The following SLMAP variants were observed in gnomAD, a reference collection of about 807,000 sequenced individuals.
The protein encoded by SLMAP is sarcolemma associated protein.
A neutral mutation model predicts 128.8 loss-of-function variants in SLMAP; 44 were observed. The ratio of observed to expected loss-of-function variants is 0.34; its 90% confidence interval spans 0.27 to 0.44. The LOEUF (loss-of-function observed/expected upper bound fraction) is 0.44, where lower values mean the gene tolerates loss of function less well. Among genes scored for constraint, SLMAP ranks in the 20% least tolerant of loss-of-function variants. The pLI, the probability that SLMAP is intolerant of heterozygous loss-of-function variation, is 1.00. For missense variants in SLMAP, 787 were observed against 985.3 expected, an observed-to-expected ratio of 0.80 and a Z score of 2.69; for synonymous variants, 327 against 348.8, an observed-to-expected ratio of 0.94 and a Z score of 0.70.
intron 2 of SLMAP, among the ~76,000 whole-genome samples, chr3:57,790,942 A>G (rs867130393): frequency 6.6e-6 from 1 of 152,226 alleles, no homozygotes; most frequent in Non-Finnish European, 1.5e-5. Context: ...ACTGAAATAT[A>G]TATGTATTAG....
Position 57,857,727 on chromosome 3 carries a change from T to C in SLMAP, c.520-6T>C. On this transcript the variant is annotated splice_polypyrimidine_tract_variant and splice_region_variant and intron_variant, in intron 6 of 24. Coordinates refer to ENST00000671191, the MANE Select transcript of SLMAP (RefSeq NM_001377540.1). ...TTAGAATCTGTTTTGTGATTTGTAA[T>C]ACTAGGAGGCCTTACATCGGGAACA... 1 of 1,590,054 alleles carries C rather than the reference T, an allele frequency of 6.3e-7. No individual in the cohort carries two copies. Among genetic ancestry groups the C allele is most frequent in the African/African-American group, 1.3e-5 (1 of 74,576 alleles).
chr3:57,925,833 T>C lies in SLMAP; in HGVS notation c.2446-12T>C. 6.5e-7 allele frequency: 1 copy of C among 1,539,550 alleles called. No homozygotes were observed. Among genetic ancestry groups the C allele is most frequent in the Non-Finnish European group, 8.8e-7 (1 of 1,136,536 alleles). ...AGCATAAAATGATTTTAATATGCCTTCCCTTCTTTAGCCTTCCATATTACA... is the reference window on the plus strand; with the variant it reads ...AGCATAAAATGATTTTAATATGCCTCCCCTTCTTTAGCCTTCCATATTACA... On this transcript the variant is annotated splice_polypyrimidine_tract_variant and intron_variant, in intron 23 of 24. Transcript: ENST00000671191.
intron 23 of SLMAP, among the ~76,000 whole-genome samples, 156 bp from the exon 24 acceptor site, chr3:57,925,689 G>C (rs1222663467): frequency 6.6e-6 from 1 of 152,172 alleles, no homozygotes; most frequent in Non-Finnish European, 1.5e-5. Context: ...GATTGTGTTA[G>C]ATGTCTTTAA....
At chr3:57,805,966 C>G (rs1387732157) in intron 2 of SLMAP, among the ~76,000 whole-genome samples, 1 of 152,096 alleles carries the variant, frequency 6.6e-6, no homozygotes, top group Non-Finnish European at 1.5e-5. Context: ...TCTTAATTCT[C>G]AGGGTTGGGC....
chr3:57,919,254 G>A (rs1163637990), intron 22 of SLMAP, among the ~76,000 whole-genome samples: 5 of 151,884 alleles, frequency 3.3e-5, no homozygotes, highest in Admixed American at 1.3e-4. Context: ...GATGGCATGC[G>A]CCTGTAATCC....
intron 2 of SLMAP, among the ~76,000 whole-genome samples, chr3:57,774,600 C>T (rs2081460365): frequency 6.6e-6 from 1 of 152,016 alleles, no homozygotes; most frequent in Non-Finnish European, 1.5e-5. Flanking sequence ...TCTTGGCTCA[C>T]TGCAACCTCT....
At chr3:57,836,081 T>A (rs1011579043) in intron 3 of SLMAP, among the ~76,000 whole-genome samples, 1 of 152,138 alleles carries the variant, frequency 6.6e-6, no homozygotes, top group Admixed American at 6.5e-5. Context: ...CTATAAGATA[T>A]AATGTTGAGT....
intron 21 of SLMAP, among the ~76,000 whole-genome samples, chr3:57,913,813 C>T (rs1393373346): frequency 6.6e-6 from 1 of 151,980 alleles, no homozygotes; most frequent in East Asian, 1.9e-4. Flanking sequence ...CAAAAATTTA[C>T]CGGGCATAGT....
chr3:57,789,299 G>T (rs2084927651), intron 2 of SLMAP, among the ~76,000 whole-genome samples: 1 of 152,118 alleles, frequency 6.6e-6, no homozygotes, highest in African/African-American at 2.4e-5. Context: ...GAGAGAGACT[G>T]GGCTCACTCT....
At chr3:57,795,031 C>T (rs993422009) in intron 2 of SLMAP, among the ~76,000 whole-genome samples, 1 of 152,176 alleles carries the variant, frequency 6.6e-6, no homozygotes, top group African/African-American at 2.4e-5. Flanking sequence ...ATACCATTCC[C>T]ACCAGGAATT....
At chr3:57,767,513 A>T (rs142036084) in intron 2 of SLMAP, among the ~76,000 whole-genome samples, 19 of 152,334 alleles carry the variant, frequency 1.2e-4, no homozygotes, top group African/African-American at 4.1e-4. Flanking sequence ...CATTTTGCTA[A>T]GTGTTTTTGG....
At chr3:57,820,992 A>C (rs1331381190) in intron 2 of SLMAP, among the ~76,000 whole-genome samples, 2 of 152,218 alleles carry the variant, frequency 1.3e-5, no homozygotes, top group African/African-American at 2.4e-5. Flanking sequence ...CCAGAATTCA[A>C]CATAGGTGTC....
chr3:57,759,439 G>A (rs1170234135), intron 2 of SLMAP, among the ~76,000 whole-genome samples: 1 of 152,048 alleles, frequency 6.6e-6, no homozygotes, highest in African/African-American at 2.4e-5. Context: ...CACCATGCCT[G>A]GTTAATTTTG....
At chr3:57,762,719 T>G (rs2153430861) in intron 2 of SLMAP, among the ~76,000 whole-genome samples, 1 of 146,744 alleles carries the variant, frequency 6.8e-6, no homozygotes, top group South Asian at 2.3e-4. Flanking sequence ...GGTTTTTTTT[T>G]TTTTTTTTTT....
At position 57,857,724 on chromosome 3, in the gene SLMAP, T is replaced by TA; in HGVS notation, c.520-7dup. ...TTATTAGAATCTGTTTTGTGATTTG[T>TA]AATACTAGGAGGCCTTACATCGGGA... On this transcript the variant is annotated splice_polypyrimidine_tract_variant and intron_variant, in intron 6 of 24. Coordinates refer to ENST00000671191, the MANE Select transcript of SLMAP (RefSeq NM_001377540.1). The TA allele has an allele frequency of 6.3e-7, 1 of 1,586,488 alleles. No homozygotes were observed. Among genetic ancestry groups the TA allele is most frequent in the South Asian group, 1.1e-5 (1 of 90,402 alleles).
At chr3:57,851,917 A>G (rs1006377420) in intron 6 of SLMAP, among the ~76,000 whole-genome samples, 3 of 151,414 alleles carry the variant, frequency 2.0e-5, no homozygotes, top group South Asian at 2.1e-4. Context: ...CTGGGTCCCT[A>G]TATTCTTTTT....
At chr3:57,883,882 A>G (rs1484985469) in intron 14 of SLMAP, among the ~76,000 whole-genome samples, 2 of 151,714 alleles carry the variant, frequency 1.3e-5, no homozygotes, top group Non-Finnish European at 2.9e-5. Flanking sequence ...AAAAGTTTAT[A>G]TAAGGAATAA....
intron 8 of SLMAP, among the ~76,000 whole-genome samples, chr3:57,858,847 C>A (rs773893791): frequency 3.9e-5 from 6 of 152,168 alleles, no homozygotes; most frequent in Non-Finnish European, 7.3e-5. Flanking sequence ...AAGGCTGAGA[C>A]AGGAGAATCC....
At chr3:57,897,625 G>A (rs1204890621) in intron 17 of SLMAP, 1 of 151,978 alleles carries the variant, frequency 6.6e-6, no homozygotes, top group East Asian at 1.9e-4. Context: ...GAATGCAGGA[G>A]GCAGAGGTTG....
Sources: allele counts gnomAD v4.1 joint callset (sites outside exome capture counted in the v4.1 genomes callset), GRCh38; gene constraint gnomAD v4.1.1; transcripts MANE v1.5; gene names NCBI Gene and HGNC (gene_info 2026-07-23, HGNC 2026-07-21).